The following DAPK3 variants were observed in gnomAD, a reference collection of about 807,000 sequenced individuals.
DAPK3 encodes death-associated protein kinase 3.
DAPK3 carries 24 observed loss-of-function variants against 30.6 expected under a neutral mutation model. The observed-to-expected ratio is 0.78, with a 90% confidence interval of 0.57 to 1.10. The LOEUF (loss-of-function observed/expected upper bound fraction) is 1.10, where lower values mean the gene tolerates loss of function less well. Ranked by LOEUF, DAPK3 falls within the 50% of genes least tolerant of loss-of-function variation. The pLI, the probability that DAPK3 is intolerant of heterozygous loss-of-function variation, is 0.00. For synonymous variants in DAPK3, 341 were observed against 284.0 expected (o/e 1.20, Z -2.02); for missense variants, 629 against 657.3 (o/e 0.96, Z 0.47).
chr19:3,963,798 C>A, intron 5 of DAPK3, 73 bp downstream of exon 5: 1 of 1,258,908 alleles, frequency 7.9e-7, no homozygotes. Flanking sequence ...GGCCCCGCTT[C>A]ATCCCCAGCT....
At position 3,964,993 on chromosome 19, in the gene DAPK3, TGGA is replaced by T; in HGVS notation, c.63-5_63-3del. 1 of 1,560,228 alleles carries T rather than the reference TGGA, an allele frequency of 6.4e-7. No individual in the cohort carries two copies. The highest frequency in any genetic ancestry group is 8.8e-7 in the Non-Finnish European group (1 of 1,137,676). On this transcript the variant is annotated splice_polypyrimidine_tract_variant and splice_region_variant and intron_variant, in intron 2 of 8. Transcript: ENST00000545797. The stretch of plus-strand genomic sequence containing the variant: ...TTCCGCACGATCGCAAACTGGCCGC[TGGA>T]GGAGGGGGAGGGAGTGAGTGGGGGT...
chr19:3,967,397 G>A (rs1359916413), intron 2 of DAPK3, among the ~76,000 whole-genome samples: 2 of 151,670 alleles, frequency 1.3e-5, no homozygotes, highest in Admixed American at 6.6e-5. Context: ...AGGTTGCAGT[G>A]AGCTGAGATT....
chr19:3,964,647 G>A lies in DAPK3; in HGVS notation c.407C>T (p.Ala136Val), dbSNP rs1475478078. Residue 136 changes from alanine (A) to valine (V), a missense_variant, in exon 3 of 9, where the codon GCA becomes GTA. Around this residue, in one of 2 missense-constraint regions of DAPK3, gnomAD observed 306 missense variants for 378.5 expected, o/e 0.81. Transcript: ENST00000545797. Reference sequence around the variant, plus strand: ...AGGGCTCACCTTCAGGTCAAAGTGTGCGATGCGCTTAGAGTGCAGGTAGTG... The same window carrying A: ...AGGGCTCACCTTCAGGTCAAAGTGTACGATGCGCTTAGAGTGCAGGTAGTG... ...GVHYLHSKRI[A>V]HFDLKPENIM... 1.3e-6 allele frequency: 2 copies of A among 1,562,870 alleles called. No homozygotes were observed. The highest frequency in any genetic ancestry group is 1.7e-6 in the Non-Finnish European group (2 of 1,148,336).
chr19:3,960,803 C>CA (rs34304441), intron 7 of DAPK3, among the ~76,000 whole-genome samples: 73,684 of 94,040 alleles, frequency 0.78, 28,859 homozygotes, highest in East Asian at 0.95. Flanking sequence ...GACTCCGTCT[C>CA]AAAAAAAAAA....
At chr19:3,966,406 C>A (rs1347379891) in intron 2 of DAPK3, among the ~76,000 whole-genome samples, 1 of 152,218 alleles carries the variant, frequency 6.6e-6, no homozygotes, top group Non-Finnish European at 1.5e-5. Context: ...GAAAACCACG[C>A]CTTCCAGCCC....
At chr19:3,966,825 C>T (rs2039581825) in intron 2 of DAPK3, among the ~76,000 whole-genome samples, 1 of 152,028 alleles carries the variant, frequency 6.6e-6, no homozygotes, top group African/African-American at 2.4e-5. Context: ...ACCACAGCCG[C>T]CCACCTCCAG....
chr19:3,966,127 A>C (rs989583725), intron 2 of DAPK3, among the ~76,000 whole-genome samples: 3 of 152,186 alleles, frequency 2.0e-5, no homozygotes, highest in Admixed American at 2.0e-4. Flanking sequence ...AAGGAAAGCA[A>C]CTAGCCCAAG....
At position 3,969,901 on chromosome 19, in the gene DAPK3, C is replaced by A. The variant is rs548713501; in HGVS notation, c.-94-72G>T. The A allele has an allele frequency of 5.3e-4, 322 of 604,736 alleles. 5 individuals are homozygous for A. The highest frequency in any genetic ancestry group is 4.7e-3 in the South Asian group (235 of 50,450). 37.5% of individuals were successfully genotyped at this position (604,736 alleles called of 1,614,324 possible). A position where few individuals can be genotyped will look rare whatever the true frequency, so the allele number is the denominator to read the frequency against. Reference sequence around the variant, plus strand: ...CTTTTCTCCTAGATTAATGGACAGACCTGTCCAGCAAACACAAGCCTCCCA... The same window carrying A: ...CTTTTCTCCTAGATTAATGGACAGAACTGTCCAGCAAACACAAGCCTCCCA... On this transcript the variant is annotated intron_variant, in intron 1 of 8. Coordinates refer to ENST00000545797, the MANE Select transcript of DAPK3 (RefSeq NM_001348.3).
chr19:3,958,601 G>A lies in DAPK3; in HGVS notation c.*500C>T. 2.3e-6 allele frequency: 1 copy of A among 433,786 alleles called. No individual in the cohort carries two copies. The highest frequency in any genetic ancestry group is 2.5e-5 in the Admixed American group (1 of 39,860). 26.9% of individuals were successfully genotyped at this position (433,786 alleles called of 1,614,324 possible). ...GGCCTCGGCGAGAAGGGCACACAGT[G>A]GAAGACCCCACCAAGCCCGGCGCCA... On this transcript the variant is annotated 3_prime_UTR_variant, in exon 9 of 9. Transcript: ENST00000545797.
Position 3,958,912 on chromosome 19 carries a change from GC to G in DAPK3, c.*188del. The G allele has an allele frequency of 1.7e-6, 1 of 583,194 alleles. No homozygotes were observed. The highest frequency in any genetic ancestry group is 3.0e-6 in the Non-Finnish European group (1 of 329,628). The allele number at this position is 583,194 out of a possible 1,614,324, so 36.1% of individuals were successfully genotyped here. Reference sequence around the variant, plus strand: ...AGCGTGGAGGCTGTGTAGAGAAGCAGCCCCGTCCCACACCCACCCCTGCCTG... The same window carrying G: ...AGCGTGGAGGCTGTGTAGAGAAGCAGCCCGTCCCACACCCACCCCTGCCTG... On this transcript the variant is annotated 3_prime_UTR_variant, in exon 9 of 9. Transcript: ENST00000545797.
chr19:3,963,637 ACT>A lies in DAPK3; in HGVS notation c.629+4_629+5del. On this transcript the variant is annotated splice_donor_5th_base_variant and intron_variant, in intron 6 of 8. Transcript: ENST00000545797. ...ACAGCCGAGGGGGCCCCCGCCAGGT[ACT>A]CACAGGATATAGGTGATGACACCGA... 6.6e-7 allele frequency: 1 copy of A among 1,523,398 alleles called. No individual in the cohort carries two copies. Among genetic ancestry groups the A allele is most frequent in the Non-Finnish European group, 8.8e-7 (1 of 1,137,800 alleles). 94.4% of individuals were successfully genotyped at this position (1,523,398 alleles called of 1,614,324 possible).
chr19:3,960,948 C>T (rs1023728271), intron 7 of DAPK3, 61 bp downstream of exon 7: 44 of 1,578,142 alleles, frequency 2.8e-5, no homozygotes, highest in African/African-American at 4.0e-5. Context: ...CTGGAGCCTC[C>T]GTGGGTGGAG....
chr19:3,964,116 G>T, intron 4 of DAPK3, 128 bp downstream of exon 4: 1 of 930,010 alleles, frequency 1.1e-6, no homozygotes, highest in South Asian at 1.6e-5. Context: ...CGCAAAGCCG[G>T]GCCCAAGAGG....
chr19:3,968,202 C>T (rs1467670158), intron 2 of DAPK3, among the ~76,000 whole-genome samples: 2 of 152,200 alleles, frequency 1.3e-5, no homozygotes, highest in African/African-American at 2.4e-5. Flanking sequence ...ATTTAAGAGG[C>T]TGCTGTTCCC....
At chr19:3,966,321 C>T (rs1449072962) in intron 2 of DAPK3, among the ~76,000 whole-genome samples, 2 of 152,166 alleles carry the variant, frequency 1.3e-5, no homozygotes, top group South Asian at 2.1e-4. Context: ...CAGCCTTTGC[C>T]GCTCACTCTC....
In DAPK3 at chr19:3,959,505, C is replaced by T; in HGVS notation, c.961G>A (p.Asp321Asn). The T allele has an allele frequency of 1.3e-6, 2 of 1,561,912 alleles. No individual in the cohort carries two copies. Among genetic ancestry groups the T allele is most frequent in the Non-Finnish European group, 1.7e-6 (2 of 1,161,458 alleles). The change falls in exon 9 of 9, where the codon GAC becomes AAC. Residue 321 changes from aspartate to asparagine, a missense_variant. Physicochemically the swap from Asp to Asn is conservative, Grantham distance 23 (BLOSUM62 1). Around this residue, in one of 2 missense-constraint regions of DAPK3, gnomAD observed 323 missense variants for 278.8 expected, o/e 1.16. Transcript: ENST00000545797. ...AGCACCTTGGAGAAGCGCTCGAAGTCGGCGTAGCTGTTGTTGGGCGGCAAG... is the reference window on the plus strand; with the variant it reads ...AGCACCTTGGAGAAGCGCTCGAAGTTGGCGTAGCTGTTGTTGGGCGGCAAG... ...SSLPPNNSYA[D>N]FERFSKVLEE...
In DAPK3 at chr19:3,969,695, T is replaced by A; in HGVS notation, c.41A>T (p.Glu14Val). The A allele has an allele frequency of 1.9e-6, 3 of 1,611,746 alleles. No homozygotes were observed. The highest frequency in any genetic ancestry group is 2.5e-6 in the Non-Finnish European group (3 of 1,178,620). The change falls in exon 2 of 9, where the codon GAG (glutamate) becomes GTG (valine). Residue 14 changes from glutamate to valine, a missense_variant. Physicochemically the swap from Glu to Val is moderately radical, Grantham distance 121. Transcript: ENST00000545797. ...TCACCTGCCCAGCTCCTCCCCCATC[T>A]CATAATGGTCCTCCACGTCCTCCTG... is the stretch of plus-strand genomic sequence containing the variant. Reference protein sequence around the residue: ...FRQEDVEDHYEMGEELGSGQF... With the variant: ...FRQEDVEDHYVMGEELGSGQF...
chr19:3,966,135 A>G (rs1041693181), intron 2 of DAPK3, among the ~76,000 whole-genome samples: 4 of 152,216 alleles, frequency 2.6e-5, no homozygotes, highest in African/African-American at 9.7e-5. Flanking sequence ...CAACTAGCCC[A>G]AGGTCATGCA....
chr19:3,965,886 G>A (rs1265007177), intron 2 of DAPK3, among the ~76,000 whole-genome samples: 4 of 151,810 alleles, frequency 2.6e-5, no homozygotes, highest in African/African-American at 7.3e-5. Context: ...CGCTGGTCTC[G>A]AACTCCTGGG....
Sources: gnomAD v4.1 joint callset for allele counts (sites outside exome capture counted in the v4.1 genomes callset) on GRCh38, gnomAD v4.1.1 for gene constraint, gnomAD v4.1.1 regional missense constraint, MANE v1.5 for transcripts, NCBI Gene and HGNC (gene_info 2026-07-23, HGNC 2026-07-21) for gene names.